Variants in MAN1C1 observed in about 807,000 individuals in gnomAD.
MAN1C1 encodes mannosidase alpha class 1C member 1.
Under a neutral mutation model 71.5 loss-of-function variants are expected in MAN1C1, and 49 were observed. The observed-to-expected ratio is 0.69, with a 90% CI of 0.54 to 0.87. The LOEUF (loss-of-function observed/expected upper bound fraction) is 0.87. Among genes scored for constraint, MAN1C1 ranks in the 40% least tolerant of loss-of-function variants. The pLI, the probability that MAN1C1 is intolerant of heterozygous loss-of-function variation, is 0.00. For synonymous variants in MAN1C1, 352 were observed against 343.7 expected (o/e 1.02, Z -0.27); for missense variants, 743 against 835.0 (o/e 0.89, Z 1.36).
intron 1 of MAN1C1, among the ~76,000 whole-genome samples, chr1:25,682,898 C>T (rs1329198004): frequency 6.6e-6 from 1 of 151,966 alleles, no homozygotes; most frequent in Non-Finnish European, 1.5e-5. Flanking sequence ...ATTAGCTGAG[C>T]GTGGTGGCAC....
chr1:25,622,651 C>T (rs565174111), intron 1 of MAN1C1, among the ~76,000 whole-genome samples: 3 of 152,258 alleles, frequency 2.0e-5, no homozygotes, highest in East Asian at 1.9e-4. Context: ...AGGTGACACT[C>T]GTGAGTAAAA....
At chr1:25,770,206 A>G (rs1164655134) in intron 7 of MAN1C1, among the ~76,000 whole-genome samples, 4 of 152,192 alleles carry the variant, frequency 2.6e-5, no homozygotes, top group South Asian at 4.1e-4. Flanking sequence ...ACACCAGAGC[A>G]TAGTCCAGCC....
intron 2 of MAN1C1, among the ~76,000 whole-genome samples, chr1:25,701,336 C>T (rs184614102): frequency 3.9e-5 from 6 of 152,316 alleles, no homozygotes; most frequent in Admixed American, 3.9e-4. Flanking sequence ...AAGGGCATAG[C>T]CATGGGTGCC....
intron 2 of MAN1C1, among the ~76,000 whole-genome samples, chr1:25,742,686 A>G (rs2047078582): frequency 6.6e-6 from 1 of 152,156 alleles, no homozygotes; most frequent in Non-Finnish European, 1.5e-5. Context: ...TGTCACCGCC[A>G]TTTTGCAGAT....
intron 1 of MAN1C1, among the ~76,000 whole-genome samples, chr1:25,673,832 C>T (rs902183228): frequency 6.6e-6 from 1 of 152,210 alleles, no homozygotes; most frequent in Non-Finnish European, 1.5e-5. Flanking sequence ...GGGGTGATTA[C>T]CCCTACCCTG....
chr1:25,700,219 G>A (rs2046421005), intron 2 of MAN1C1, among the ~76,000 whole-genome samples: 1 of 152,214 alleles, frequency 6.6e-6, no homozygotes, highest in Middle Eastern at 3.4e-3. Context: ...GACCATGTAG[G>A]GATAACTGCT....
intron 1 of MAN1C1, among the ~76,000 whole-genome samples, chr1:25,619,862 G>A (rs2045179488): frequency 6.6e-6 from 1 of 152,156 alleles, no homozygotes; most frequent in African/African-American, 2.4e-5. Flanking sequence ...TCCCAGTAGG[G>A]CAGTGACCCC....
At chr1:25,758,241 G>A (rs1339613862) in intron 5 of MAN1C1, among the ~76,000 whole-genome samples, 1 of 152,224 alleles carries the variant, frequency 6.6e-6, no homozygotes, top group African/African-American at 2.4e-5. Flanking sequence ...CGGGTGTTCT[G>A]TGGGGTCTTT....
chr1:25,771,765 C>A lies in MAN1C1; in HGVS notation c.1250C>A (p.Ala417Asp). ...GAGGCTAAAAATATGTACTACGAAG[C>A]CTTGGAGGTAAGACAAGCCCTGGAT... ...DMEAKNMYYE[A>D]LEAIETYLLN... is the part of the protein sequence containing the mutation. Residue 417 changes from alanine to aspartate, a missense_variant, in exon 8 of 12, where the codon GCC (alanine) becomes GAC (aspartate). Transcript: ENST00000374332. 6.2e-7 allele frequency: 1 copy of A among 1,611,832 alleles called. No individual in the cohort carries two copies. Among genetic ancestry groups the A allele is most frequent in the Non-Finnish European group, 8.5e-7 (1 of 1,177,988 alleles).
intron 1 of MAN1C1, among the ~76,000 whole-genome samples, chr1:25,627,867 T>TAA (rs762132988): frequency 2.4e-4 from 29 of 122,026 alleles, no homozygotes; most frequent in African/African-American, 8.1e-4. Flanking sequence ...ACCCAATCTC[T>TAA]AAAAAAAAAA....
intron 2 of MAN1C1, among the ~76,000 whole-genome samples, chr1:25,701,737 T>C (rs1157789725): frequency 6.6e-6 from 1 of 152,206 alleles, no homozygotes; most frequent in Non-Finnish European, 1.5e-5. Flanking sequence ...TCTTCACCCT[T>C]GTGTCCCTCC....
chr1:25,705,566 C>T (rs910143561), intron 2 of MAN1C1, among the ~76,000 whole-genome samples: 3 of 152,192 alleles, frequency 2.0e-5, no homozygotes, highest in African/African-American at 7.2e-5. Context: ...ACACATTTGC[C>T]TTAGTGTTGT....
intron 2 of MAN1C1, among the ~76,000 whole-genome samples, chr1:25,704,902 G>A (rs2046498220): frequency 6.6e-6 from 1 of 152,260 alleles, no homozygotes; most frequent in African/African-American, 2.4e-5. Flanking sequence ...CAGGAGGATA[G>A]CTGGAGACAC....
At chr1:25,682,869 C>T (rs1319771833) in intron 1 of MAN1C1, among the ~76,000 whole-genome samples, 1 of 152,062 alleles carries the variant, frequency 6.6e-6, no homozygotes, top group Non-Finnish European at 1.5e-5. Flanking sequence ...GAAACCTCAT[C>T]TCTACTAAAA....
chr1:25,720,696 G>A (rs1015562796), intron 2 of MAN1C1, among the ~76,000 whole-genome samples: 2 of 152,130 alleles, frequency 1.3e-5, no homozygotes, highest in Admixed American at 6.5e-5. Flanking sequence ...CCAGTGTATC[G>A]ATTTTTTTCT....
intron 1 of MAN1C1, among the ~76,000 whole-genome samples, chr1:25,674,962 G>A (rs1447627823): frequency 1.3e-5 from 2 of 152,194 alleles, no homozygotes; most frequent in South Asian, 2.1e-4. Context: ...GATGGGAGTG[G>A]TTTGGATTAG....
Position 25,634,936 on chromosome 1 carries a change from GTTTTT to G in MAN1C1, c.540+16606_540+16610del, listed in dbSNP as rs921755192. 6.8e-6 allele frequency among the ~76,000 whole-genome samples: 1 copy of G among 146,438 alleles called. No individual in the cohort carries two copies. Among genetic ancestry groups the G allele is most frequent in the Non-Finnish European group, 1.5e-5 (1 of 66,122 alleles). On this transcript the variant is annotated intron_variant, in intron 1 of 11. Coordinates refer to ENST00000374332, the MANE Select transcript of MAN1C1 (RefSeq NM_020379.4). This position sits in a 1 kb window ranked among gnomAD's most constrained non-coding sequence, Gnocchi z 4.6. Reference sequence around the variant, plus strand: ...TGTTTATGAGGGATATTGGTCTATAGTTTTTTTTTTTGTAAATCCTTTGTCTGGTT... The same window carrying G: ...TGTTTATGAGGGATATTGGTCTATAGTTTTTTGTAAATCCTTTGTCTGGTT...
At position 25,769,584 on chromosome 1, in the gene MAN1C1, A is replaced by C. The variant is rs1309512984; in HGVS notation, c.1142-2073A>C. ...TCCACCACCGCGTGATTGTGGCTAA[A>C]CTCCTTGGCTTGGCATTCCAGGCCC... On this transcript the variant is annotated intron_variant, in intron 7 of 11. Coordinates refer to ENST00000374332, the MANE Select transcript of MAN1C1 (RefSeq NM_020379.4). The surrounding 1 kb of genome is among the most constrained non-coding windows in gnomAD (Gnocchi z 4.8). Among the ~76,000 whole-genome samples, 1 of 151,958 alleles carries C rather than the reference A, an allele frequency of 6.6e-6. No individual in the cohort carries two copies. Among genetic ancestry groups the C allele is most frequent in the East Asian group, 1.9e-4 (1 of 5,180 alleles).
chr1:25,781,690 CT>C (rs1028641946), intron 10 of MAN1C1, among the ~76,000 whole-genome samples: 2 of 152,108 alleles, frequency 1.3e-5, no homozygotes, highest in Non-Finnish European at 2.9e-5. Context: ...TTCTCTGCCC[CT>C]ATCTCCCCCA....
Sources: gnomAD v4.1 joint callset for allele counts (sites outside exome capture counted in the v4.1 genomes callset) on GRCh38, gnomAD v4.1.1 for gene constraint, Gnocchi (gnomAD v3.1) non-coding constraint, MANE v1.5 for transcripts, NCBI Gene and HGNC (gene_info 2026-07-23, HGNC 2026-07-21) for gene names.